SUMF1: variants seen among roughly 807,000 people sequenced by gnomAD.
SUMF1 encodes the protein formylglycine-generating enzyme.
SUMF1 carries 48 observed loss-of-function variants against 47.6 expected under a neutral mutation model. That is an observed-to-expected ratio of 1.01 (90% CI 0.80 to 1.28). The LOEUF (loss-of-function observed/expected upper bound fraction) is 1.28. Ranked by LOEUF, SUMF1 falls within the 50% of genes most tolerant of loss-of-function variation. The pLI is 0.00. For missense variants in SUMF1, 571 were observed against 485.4 expected (o/e 1.18, Z -1.66); for synonymous variants, 230 against 192.1 (o/e 1.20, Z -1.63).
At chr3:4,265,674 T>G (rs947556741) in intron 8 of SUMF1, among the ~76,000 whole-genome samples, 5 of 152,240 alleles carry the variant, frequency 3.3e-5, no homozygotes, top group Non-Finnish European at 5.9e-5. Context: ...TCCCATTTTC[T>G]GGGTTGCCTG....
At chr3:4,279,930 T>C (rs1166457605) in intron 8 of SUMF1, among the ~76,000 whole-genome samples, 1 of 152,188 alleles carries the variant, frequency 6.6e-6, no homozygotes, top group Non-Finnish European at 1.5e-5. Flanking sequence ...ATTTTGGCTA[T>C]ATAGTCAAGC....
chr3:4,369,770 T>G (rs558287474), intron 8 of SUMF1, among the ~76,000 whole-genome samples: 1 of 152,292 alleles, frequency 6.6e-6, no homozygotes, highest in Non-Finnish European at 1.5e-5. Flanking sequence ...AAGAACCTAC[T>G]TCTAACAAGC....
intron 6 of SUMF1, 121 bp from the exon 7 acceptor site, chr3:4,411,099 A>T (rs1476723383): frequency 1.1e-6 from 1 of 878,826 alleles, no homozygotes; most frequent in African/African-American, 1.6e-5. Flanking sequence ...TTATTCCAAC[A>T]GTCAAAGTAC....
intron 1 of SUMF1, among the ~76,000 whole-genome samples, chr3:4,465,468 A>G (rs2079918634): frequency 6.6e-6 from 1 of 151,064 alleles, no homozygotes; most frequent in Non-Finnish European, 1.5e-5. Context: ...ACAGAGCGAG[A>G]CTCCGTCTAA....
chr3:4,082,583 T>G (rs1692584233), intron 8 of SUMF1, among the ~76,000 whole-genome samples: 1 of 152,162 alleles, frequency 6.6e-6, no homozygotes, highest in Non-Finnish European at 1.5e-5. Context: ...ACCAAAGGTC[T>G]GAGACAAGGA....
chr3:4,243,511 C>T (rs909796286), intron 8 of SUMF1, among the ~76,000 whole-genome samples: 5 of 152,092 alleles, frequency 3.3e-5, no homozygotes, highest in Admixed American at 6.5e-5. Context: ...GCCTTCATTT[C>T]GTTATTTACC....
chr3:4,427,925 G>A (rs1012410476), intron 3 of SUMF1, among the ~76,000 whole-genome samples: 5 of 152,038 alleles, frequency 3.3e-5, no homozygotes, highest in Non-Finnish European at 5.9e-5. Context: ...ATAATTATCA[G>A]GGCAGGGGGA....
chr3:4,253,266 G>A (rs566793774), intron 8 of SUMF1, among the ~76,000 whole-genome samples: 3 of 152,278 alleles, frequency 2.0e-5, no homozygotes, highest in African/African-American at 7.2e-5. Flanking sequence ...GAGCCAAGAT[G>A]GCCGAATAGG....
rs539831657 is a variant in SUMF1, at chr3:4,242,397, A to T, written c.1014+133933T>A. Among the ~76,000 whole-genome samples the T allele has an allele frequency of 5.3e-4, 80 of 152,214 alleles. 1 individual carries two copies. Among genetic ancestry groups the T allele is most frequent in the Middle Eastern group, 3.4e-3 (1 of 294 alleles). On this transcript the variant is annotated intron_variant and NMD_transcript_variant, in intron 8 of 12. Transcript: ENST00000448413. ...TTCCAGCTTTTGCCCATTCAGTATG[A>T]TACTGGCTGTGGGTTTGTCATAGAT...
chr3:4,360,205 C>CTTTTT (rs57690047), downstream of SUMF1, among the ~76,000 whole-genome samples: 497 of 104,084 alleles, frequency 4.8e-3, 27 homozygotes, highest in African/African-American at 0.011. Context: ...AATGTTTGTT[C>CTTTTT]TTTTTTTTTT....
intron 8 of SUMF1, among the ~76,000 whole-genome samples, chr3:4,351,016 C>G (rs1699488973): frequency 6.6e-6 from 1 of 152,072 alleles, no homozygotes; most frequent in South Asian, 2.1e-4. Flanking sequence ...CATAAAACCA[C>G]TTTGAGCTAC....
intron 8 of SUMF1, among the ~76,000 whole-genome samples, chr3:4,187,085 A>G (rs948600050): frequency 4.6e-4 from 70 of 152,204 alleles, no homozygotes; most frequent in African/African-American, 1.6e-3. Context: ...GAATTAAGTC[A>G]TAGGCCAGGC....
chr3:4,444,383 T>C (rs1469242177), intron 3 of SUMF1, among the ~76,000 whole-genome samples: 1 of 152,196 alleles, frequency 6.6e-6, no homozygotes, highest in Non-Finnish European at 1.5e-5. Flanking sequence ...TAAACATGTA[T>C]AGTCACTTGT....
chr3:4,084,488 A>G (rs1692631496), intron 8 of SUMF1, among the ~76,000 whole-genome samples: 7 of 152,124 alleles, frequency 4.6e-5, no homozygotes, highest in Admixed American at 4.6e-4. Flanking sequence ...AATTACATAC[A>G]ACAAAACTTT....
At chr3:4,129,608 T>C (rs1330097948) in intron 8 of SUMF1, among the ~76,000 whole-genome samples, 1 of 151,962 alleles carries the variant, frequency 6.6e-6, no homozygotes, top group Non-Finnish European at 1.5e-5. Flanking sequence ...ATACTGAAAA[T>C]TTATACAGTG....
intron 8 of SUMF1, among the ~76,000 whole-genome samples, chr3:4,094,738 T>A (rs969459282): frequency 1.3e-5 from 2 of 151,920 alleles, no homozygotes; most frequent in African/African-American, 2.4e-5. Context: ...AACAGTGGAG[T>A]CAAAAGGCTG....
At chr3:4,111,089 T>C (rs1693295604) in intron 8 of SUMF1, among the ~76,000 whole-genome samples, 1 of 151,472 alleles carries the variant, frequency 6.6e-6, no homozygotes, top group Non-Finnish European at 1.5e-5. Context: ...AATGAAATGA[T>C]TAAGAAAGAA....
intron 8 of SUMF1, among the ~76,000 whole-genome samples, chr3:4,175,096 T>C (rs577709059): frequency 6.6e-6 from 1 of 152,324 alleles, no homozygotes; most frequent in Non-Finnish European, 1.5e-5. Context: ...TCCACCTCTC[T>C]GGGCAGGGCA....
chr3:4,329,371 G>A (rs1087302), intron 8 of SUMF1, among the ~76,000 whole-genome samples: 149,362 of 152,350 alleles, frequency 0.98, 73,219 homozygotes, highest in East Asian at 1. Flanking sequence ...AGGCATTTCC[G>A]TACATCCTCT....
Sources: allele counts gnomAD v4.1 joint callset (sites outside exome capture counted in the v4.1 genomes callset), GRCh38; gene constraint gnomAD v4.1.1; transcripts MANE v1.5; gene names NCBI Gene and HGNC (gene_info 2026-07-23, HGNC 2026-07-21).